Variants in CSMD1 observed in about 807,000 individuals in gnomAD.
The protein encoded by CSMD1 is CUB and Sushi multiple domains 1.
CSMD1 carries 213 observed loss-of-function variants against 417.5 expected under a neutral mutation model. The ratio of observed to expected loss-of-function variants is 0.51; its 90% CI spans 0.46 to 0.57. The LOEUF (loss-of-function observed/expected upper bound fraction) is 0.57, where lower values mean the gene tolerates loss of function less well. Ranked by LOEUF, CSMD1 falls within the 20% of genes least tolerant of loss-of-function variation. CSMD1 has a pLI of 0.00. For missense variants in CSMD1, 6,923 were observed against 4,529.7 expected (o/e 1.53, Z -15.17); for synonymous variants, 2,862 against 1,736.8 (o/e 1.65, Z -16.11).
chr8:4,522,917 G>C (rs1803548309), intron 2 of CSMD1, among the ~76,000 whole-genome samples: 1 of 152,098 alleles, frequency 6.6e-6, no homozygotes, highest in Admixed American at 6.6e-5. Flanking sequence ...TACAAATAAG[G>C]ACATTGCTGT....
chr8:4,004,033 T>C (rs1815909499), intron 4 of CSMD1, among the ~76,000 whole-genome samples: 1 of 152,130 alleles, frequency 6.6e-6, no homozygotes, highest in Non-Finnish European at 1.5e-5. Flanking sequence ...TCACCATAAA[T>C]ACTCTATAGT....
rs774812490 is a variant in CSMD1, at chr8:2,978,758, C to T, written c.8420G>A (p.Arg2807His). The T allele has an allele frequency of 7.3e-5, 118 of 1,613,270 alleles. No individual in the cohort carries two copies. Among genetic ancestry groups the T allele is most frequent in the African/African-American group, 1.3e-4 (10 of 74,900 alleles). Residue 2807 changes from arginine (R) to histidine (H), a missense_variant, in exon 55 of 70, where the codon CGT becomes CAT. Coordinates refer to ENST00000635120, the MANE Select transcript of CSMD1 (RefSeq NM_033225.6). The stretch of plus-strand genomic sequence containing the variant: ...CTCAGGGAAGTTCTGTTGCCCGTGA[C>T]GAATGGCATTTTCCACAAAGCCTGG... ...SDPGFVENAI[R>H]HGQQNFPESF...
At chr8:4,527,900 G>A (rs917094958) in intron 2 of CSMD1, among the ~76,000 whole-genome samples, 1 of 152,096 alleles carries the variant, frequency 6.6e-6, no homozygotes, top group East Asian at 1.9e-4. Flanking sequence ...GGAAGATAAG[G>A]CAACCTACAG....
chr8:4,480,706 G>A (rs143955918), intron 2 of CSMD1, among the ~76,000 whole-genome samples: 1 of 152,222 alleles, frequency 6.6e-6, no homozygotes, highest in Non-Finnish European at 1.5e-5. Flanking sequence ...ATCTCTTTCT[G>A]ACAACCACCT....
chr8:3,060,132 T>A (rs1054717325), intron 49 of CSMD1, among the ~76,000 whole-genome samples: 4 of 151,142 alleles, frequency 2.6e-5, no homozygotes, highest in African/African-American at 9.7e-5. Flanking sequence ...ATTGAGCCTG[T>A]CCTAAAAATT....
chr8:4,922,735 C>A (rs142245145), intron 1 of CSMD1, among the ~76,000 whole-genome samples: 10 of 152,222 alleles, frequency 6.6e-5, no homozygotes, highest in Non-Finnish European at 1.5e-4. Context: ...TGTGTTCTCA[C>A]GCCCCTAGAT....
chr8:4,439,380 G>A (rs1190422309), intron 2 of CSMD1, among the ~76,000 whole-genome samples: 1 of 151,904 alleles, frequency 6.6e-6, no homozygotes, highest in African/African-American at 2.4e-5. Context: ...CAACTTTGTG[G>A]GTTACTAACT....
chr8:3,999,703 C>G (rs74956545), intron 4 of CSMD1, among the ~76,000 whole-genome samples: 2,204 of 152,244 alleles, frequency 0.014, 26 homozygotes, highest in Middle Eastern at 0.034. Flanking sequence ...CTGTTTATGT[C>G]AACTAATGCT....
chr8:4,017,128 T>C (rs1428782478), intron 4 of CSMD1, among the ~76,000 whole-genome samples: 1 of 152,236 alleles, frequency 6.6e-6, no homozygotes, highest in African/African-American at 2.4e-5. Context: ...ACGCTCTCCA[T>C]GCAATTGTAC....
At chr8:4,747,446 A>T (rs1021797835) in intron 1 of CSMD1, among the ~76,000 whole-genome samples, 1 of 152,214 alleles carries the variant, frequency 6.6e-6, no homozygotes, top group African/African-American at 2.4e-5. Flanking sequence ...TACTTATGTC[A>T]GAGAAAATTT....
chr8:3,950,048 A>T, intron 5 of CSMD1: 1 of 453,742 alleles, frequency 2.2e-6, no homozygotes, highest in Admixed American at 2.4e-5. Context: ...CTGTCACGCT[A>T]CAGACAGGAC....
At chr8:3,986,291 C>T (rs556808964) in intron 5 of CSMD1, among the ~76,000 whole-genome samples, 2 of 152,182 alleles carry the variant, frequency 1.3e-5, no homozygotes, top group East Asian at 3.9e-4. Context: ...ACAATCCTTC[C>T]CTATGTTTCT....
rs552420754 is a variant in CSMD1, at chr8:4,787,180, A to T, written c.86-149622T>A. Among the ~76,000 whole-genome samples the T allele has an allele frequency of 2.6e-5, 4 of 152,272 alleles. No individual in the cohort carries two copies. In the East Asian group the frequency reaches 7.7e-4, roughly 29 times the overall value. On this transcript the variant is annotated intron_variant, in intron 1 of 69. Transcript: ENST00000635120. ...GTTCGGCCGCTGTAGCGGAGCTCGGAAAGAGTGGCGCAGGGTCGCGGGGCC... is the reference window on the plus strand; with the variant it reads ...GTTCGGCCGCTGTAGCGGAGCTCGGTAAGAGTGGCGCAGGGTCGCGGGGCC...
At chr8:3,432,350 T>C (rs981147177) in intron 12 of CSMD1, among the ~76,000 whole-genome samples, 4 of 152,248 alleles carry the variant, frequency 2.6e-5, no homozygotes, top group African/African-American at 9.6e-5. Flanking sequence ...CTCCTTAGCA[T>C]TGTCAAGTGA....
chr8:4,741,066 G>A (rs931605123), intron 1 of CSMD1, among the ~76,000 whole-genome samples: 3 of 152,062 alleles, frequency 2.0e-5, no homozygotes, highest in Non-Finnish European at 4.4e-5. Context: ...TAATCCTTAT[G>A]CTTTAAGGAA....
intron 5 of CSMD1, among the ~76,000 whole-genome samples, chr8:3,908,346 T>C (rs375978305): frequency 1.3e-5 from 2 of 152,242 alleles, no homozygotes; most frequent in African/African-American, 2.4e-5. Context: ...ACTGAATATT[T>C]TATGCTATTA....
intron 30 of CSMD1, among the ~76,000 whole-genome samples, chr8:3,213,286 C>T (rs1184939635): frequency 6.6e-6 from 1 of 152,168 alleles, no homozygotes; most frequent in Non-Finnish European, 1.5e-5. Context: ...CTGCAACAAG[C>T]CATGAAGTTC....
chr8:3,447,980 G>C (rs557603446), intron 12 of CSMD1, among the ~76,000 whole-genome samples: 3 of 152,098 alleles, frequency 2.0e-5, no homozygotes, highest in African/African-American at 7.2e-5. Flanking sequence ...AAAGAAAGCA[G>C]AGCTGAGGAA....
chr8:3,365,651 A>G (rs1809511966), intron 20 of CSMD1, among the ~76,000 whole-genome samples: 1 of 152,222 alleles, frequency 6.6e-6, no homozygotes, highest in Non-Finnish European at 1.5e-5. Context: ...AGCACAAAAT[A>G]TATGTAGATA....
Sources: allele counts gnomAD v4.1 joint callset (sites outside exome capture counted in the v4.1 genomes callset), GRCh38; gene constraint gnomAD v4.1.1; transcripts MANE v1.5; gene names NCBI Gene and HGNC (gene_info 2026-07-23, HGNC 2026-07-21).